Variants in SCN11A observed in about 807,000 individuals in gnomAD.
SCN11A encodes sodium channel protein type 11 subunit alpha.
SCN11A carries 122 observed loss-of-function variants against 162.2 expected under a neutral mutation model. The ratio of observed to expected loss-of-function variants is 0.75; its 90% CI spans 0.65 to 0.87. The LOEUF is 0.87. SCN11A is among the 40% of genes least tolerant of loss of function. The pLI, the probability that SCN11A is intolerant of heterozygous loss-of-function variation, is 0.00. For missense variants in SCN11A, 2,015 were observed against 2,181.6 expected, an observed-to-expected ratio of 0.92 and a Z score of 1.52; for synonymous variants, 758 against 751.5, an observed-to-expected ratio of 1.01 and a Z score of -0.14.
chr3:38,853,032 A>G (rs1181455789), intron 28 of SCN11A, among the ~76,000 whole-genome samples: 1 of 152,238 alleles, frequency 6.6e-6, no homozygotes, highest in African/African-American at 2.4e-5. Context: ...TAAGCATGCT[A>G]TAAAAGATGG....
At chr3:38,891,042 ACAGT>A (rs972112429) in intron 19 of SCN11A, among the ~76,000 whole-genome samples, 21 of 151,428 alleles carry the variant, frequency 1.4e-4, no homozygotes, top group African/African-American at 2.4e-4. Context: ...ACAGGGGAAA[ACAGT>A]CAGTAACAGA....
rs1181142131 is a variant in SCN11A, at chr3:38,926,823, G to A, written c.597C>T (p.Asp199=). The change falls in exon 8 of 30, where the codon GAC becomes GAT. Residue 199 remains aspartate, a synonymous_variant. Transcript: ENST00000302328. ...CTTACGCTATTCCAATGACAATGGA[G>A]TCCAGCCAGTTCCATGGATCTCGAA... is the stretch of plus-strand genomic sequence containing the variant. The part of the protein sequence containing the change: ...SFLRDPWNWL[D]SIVIGIAIVS... 1.9e-6 allele frequency: 3 copies of A among 1,613,640 alleles called. No individual in the cohort carries two copies. Among genetic ancestry groups the A allele is most frequent in the African/African-American group, 1.3e-5 (1 of 74,922 alleles).
At position 38,926,845 on chromosome 3, in the gene SCN11A, C is replaced by T. The variant is rs554286806; in HGVS notation, c.575G>A (p.Arg192Gln). ...GGAGTCCAGCCAGTTCCATGGATCT[C>T]GAAGGAAAGAAAACTCATCCAGAAT... ...GFILDEFSFLRDPWNWLDSIV... is the reference protein window; with the variant it reads ...GFILDEFSFLQDPWNWLDSIV... The change falls in exon 8 of 30, where the codon CGA (arginine) becomes CAA (glutamine). Residue 192 changes from arginine to glutamine, a missense_variant. Coordinates refer to ENST00000302328, the MANE Select transcript of SCN11A (RefSeq NM_001349253.2). 8.1e-6 allele frequency: 13 copies of T among 1,613,516 alleles called. No homozygotes were observed. The highest frequency in any genetic ancestry group is 4.0e-5 in the African/African-American group (3 of 74,994).
intron 7 of SCN11A, among the ~76,000 whole-genome samples, chr3:38,937,024 A>G (rs1437821377): frequency 2.0e-5 from 3 of 152,162 alleles, no homozygotes; most frequent in Admixed American, 6.5e-5. Flanking sequence ...CAAAACAGAG[A>G]TATAGATCAA....
chr3:38,934,807 T>C (rs2066303353), intron 7 of SCN11A, among the ~76,000 whole-genome samples: 1 of 152,054 alleles, frequency 6.6e-6, no homozygotes, highest in East Asian at 1.9e-4. Flanking sequence ...CTGTCAACCT[T>C]AGACAGATCA....
At chr3:39,000,087 A>T (rs779025516) in intron 2 of SCN11A, among the ~76,000 whole-genome samples, 1 of 152,226 alleles carries the variant, frequency 6.6e-6, no homozygotes, top group African/African-American at 2.4e-5. Context: ...CTGAAAAGAT[A>T]AAGTAACACA....
At chr3:38,889,496 G>A (rs911967312) in intron 19 of SCN11A, among the ~76,000 whole-genome samples, 91 of 151,662 alleles carry the variant, frequency 6.0e-4, no homozygotes, top group African/African-American at 2.2e-3. Context: ...GTCATTCAAT[G>A]CATTTGAAAT....
At chr3:38,994,342 G>C (rs981847528) in intron 2 of SCN11A, among the ~76,000 whole-genome samples, 2 of 152,202 alleles carry the variant, frequency 1.3e-5, no homozygotes, top group African/African-American at 4.8e-5. Context: ...AGGATACTGA[G>C]CGTCACATTT....
chr3:38,929,300 T>C (rs2066202348), intron 7 of SCN11A, among the ~76,000 whole-genome samples: 1 of 152,180 alleles, frequency 6.6e-6, no homozygotes, highest in South Asian at 2.1e-4. Context: ...TTCTACAACA[T>C]GTATAAACCT....
At chr3:38,970,002 G>C (rs1212277733) in intron 2 of SCN11A, among the ~76,000 whole-genome samples, 1 of 124,414 alleles carries the variant, frequency 8.0e-6, no homozygotes. Context: ...GCAGATGTTA[G>C]CTGCCTGTTT....
intron 2 of SCN11A, among the ~76,000 whole-genome samples, chr3:38,995,799 G>GTCTA (rs745582413): frequency 0.024 from 3,197 of 131,434 alleles, 47 homozygotes; most frequent in Middle Eastern, 0.045. Context: ...ACAATAAATT[G>GTCTA]TCTATCTATC....
chr3:38,996,130 C>T (rs1273908845), intron 2 of SCN11A, among the ~76,000 whole-genome samples: 1 of 152,170 alleles, frequency 6.6e-6, no homozygotes, highest in Non-Finnish European at 1.5e-5. Flanking sequence ...TGATCTTGGA[C>T]TTCCCAGCCT....
At chr3:38,964,998 G>A (rs73828759) in intron 2 of SCN11A, among the ~76,000 whole-genome samples, 2 of 152,192 alleles carry the variant, frequency 1.3e-5, no homozygotes, top group African/African-American at 4.8e-5. Context: ...CCGCTTAGAA[G>A]AGTGAACAGC....
At chr3:38,890,830 T>C (rs1023461093) in intron 19 of SCN11A, among the ~76,000 whole-genome samples, 1 of 152,216 alleles carries the variant, frequency 6.6e-6, no homozygotes, top group South Asian at 2.1e-4. Flanking sequence ...AGCTTTCACA[T>C]TGTGTGTGAA....
At chr3:38,979,060 C>T (rs1292545912) in intron 2 of SCN11A, among the ~76,000 whole-genome samples, 1 of 152,206 alleles carries the variant, frequency 6.6e-6, no homozygotes, top group Non-Finnish European at 1.5e-5. Context: ...GCACTTTTCC[C>T]AGGGACAGTT....
intron 26 of SCN11A, among the ~76,000 whole-genome samples, chr3:38,869,850 C>T (rs2065097333): frequency 6.6e-6 from 1 of 152,124 alleles, no homozygotes; most frequent in African/African-American, 2.4e-5. Flanking sequence ...AAGTATTATG[C>T]AAATATTCCC....
At chr3:38,861,053 CA>C (rs2064955614) in intron 28 of SCN11A, among the ~76,000 whole-genome samples, 1 of 152,076 alleles carries the variant, frequency 6.6e-6, no homozygotes, top group Non-Finnish European at 1.5e-5. Flanking sequence ...TTTCAGGATA[CA>C]AAATCAATGT....
intron 2 of SCN11A, among the ~76,000 whole-genome samples, chr3:38,991,637 A>G (rs976993099): frequency 1.3e-5 from 2 of 152,134 alleles, no homozygotes; most frequent in Admixed American, 1.3e-4. Context: ...CTAGGCCTCC[A>G]TTTTCACTGG....
At chr3:39,005,524 TC>T (rs1165074230) in intron 2 of SCN11A, among the ~76,000 whole-genome samples, 2 of 152,228 alleles carry the variant, frequency 1.3e-5, no homozygotes, top group South Asian at 2.1e-4. Context: ...TGTTTGTGGC[TC>T]CCATTCCTGC....
Sources: gnomAD v4.1 joint callset for allele counts (sites outside exome capture counted in the v4.1 genomes callset) on GRCh38, gnomAD v4.1.1 for gene constraint, MANE v1.5 for transcripts, NCBI Gene and HGNC (gene_info 2026-07-23, HGNC 2026-07-21) for gene names.